TMEM161B: variants seen among roughly 807,000 people sequenced by gnomAD.
TMEM161B encodes transmembrane protein 161B.
In TMEM161B, 34 loss-of-function variants were observed where a neutral mutation model predicts 61.8. That is an observed-to-expected ratio of 0.55 (90% CI 0.42 to 0.73). The LOEUF (loss-of-function observed/expected upper bound fraction) is 0.73. Ranked by LOEUF, TMEM161B falls within the 30% of genes least tolerant of loss-of-function variation. The pLI, the probability that TMEM161B is intolerant of heterozygous loss-of-function variation, is 0.00. For missense variants in TMEM161B, 456 were observed against 558.5 expected, an observed-to-expected ratio of 0.82 and a Z score of 1.85; for synonymous variants, 167 against 192.8, an observed-to-expected ratio of 0.87 and a Z score of 1.11.
At chr5:88,188,805 G>C (rs909001679), downstream of TMEM161B, among the ~76,000 whole-genome samples, 1 of 152,200 alleles carries the variant, frequency 6.6e-6, no homozygotes, top group Non-Finnish European at 1.5e-5. Flanking sequence ...CTGATGGATT[G>C]AGAGCACATG....
chr5:88,253,796 A>G (rs1580709661), intron 1 of TMEM161B, among the ~76,000 whole-genome samples: 2 of 152,320 alleles, frequency 1.3e-5, no homozygotes, highest in East Asian at 3.9e-4. Flanking sequence ...GAAGCAAAAC[A>G]GCTTTTAAAT....
chr5:88,224,975 T>G lies in TMEM161B; in HGVS notation c.289+794A>C, dbSNP rs1043770943. Among the ~76,000 whole-genome samples the G allele has an allele frequency of 1.5e-4, 21 of 144,406 alleles. No homozygotes were observed. In the South Asian group the frequency reaches 3.0e-3, roughly 21 times the overall value. 94.7% of individuals were successfully genotyped at this position (144,406 alleles called of 152,430 possible). A position where few individuals can be genotyped will look rare whatever the true frequency, so the allele number is the denominator to read the frequency against. The stretch of plus-strand genomic sequence containing the variant: ...ACAAAATATGTTTTTGTTTTTTTTT[T>G]TTTTTTTTTTGAGACGGAGTCTCGC... On this transcript the variant is annotated intron_variant, in intron 4 of 11. Coordinates refer to ENST00000296595, the MANE Select transcript of TMEM161B (RefSeq NM_153354.5).
intron 2 of TMEM161B, among the ~76,000 whole-genome samples, chr5:88,235,977 G>T (rs949143580): frequency 6.6e-6 from 1 of 152,164 alleles, no homozygotes; most frequent in Non-Finnish European, 1.5e-5. Flanking sequence ...CAGGCATTCC[G>T]TTAAGGGTAG....
chr5:88,228,951 A>G (rs1423138955), intron 2 of TMEM161B, among the ~76,000 whole-genome samples: 2 of 152,208 alleles, frequency 1.3e-5, no homozygotes, highest in Non-Finnish European at 2.9e-5. Context: ...TCACATTTAC[A>G]GGTAGTCTTT....
At position 88,195,362 on chromosome 5, in the gene TMEM161B, TA is replaced by T. The variant is rs772722058; in HGVS notation, c.*848del. The stretch of plus-strand genomic sequence containing the variant: ...TCTTTTATAATCTCAATATATTATA[TA>T]TTTAATATATAATATATATACAATA... On this transcript the variant is annotated 3_prime_UTR_variant, in exon 12 of 12. Transcript: ENST00000296595. 292 of 712,888 alleles carry T rather than the reference TA, an allele frequency of 4.1e-4. 1 individual carries two copies. The highest frequency in any genetic ancestry group is 4.9e-4 in the Non-Finnish European group (288 of 584,138). 44.2% of individuals were successfully genotyped at this position (712,888 alleles called of 1,614,324 possible). A position where few individuals can be genotyped will look rare whatever the true frequency, so the allele number is the denominator to read the frequency against.
intron 7 of TMEM161B, among the ~76,000 whole-genome samples, chr5:88,206,162 A>C (rs1745422365): frequency 6.6e-6 from 1 of 152,164 alleles, no homozygotes; most frequent in South Asian, 2.1e-4. Context: ...AGTCACAGCA[A>C]CCTAACCTAC....
intron 2 of TMEM161B, among the ~76,000 whole-genome samples, chr5:88,234,157 TG>T (rs1274068907): frequency 2.0e-5 from 3 of 152,058 alleles, no homozygotes; most frequent in African/African-American, 7.2e-5. Flanking sequence ...AAAGTGTGTG[TG>T]GTAACAGGAA....
At chr5:88,252,099 A>G (rs78330101) in intron 1 of TMEM161B, among the ~76,000 whole-genome samples, 2,713 of 152,284 alleles carry the variant, frequency 0.018, 68 homozygotes, top group African/African-American at 0.061. Flanking sequence ...TGGGTTGTAG[A>G]ATTTTTTTAA....
intron 1 of TMEM161B, among the ~76,000 whole-genome samples, chr5:88,252,126 T>C (rs1165491759): frequency 6.6e-6 from 1 of 152,140 alleles, no homozygotes; most frequent in African/African-American, 2.4e-5. Context: ...TAAAGTTTCA[T>C]AGAGTAGATG....
At chr5:88,226,480 T>G (rs776066519) in intron 3 of TMEM161B, among the ~76,000 whole-genome samples, 1 of 152,208 alleles carries the variant, frequency 6.6e-6, no homozygotes, top group African/African-American at 2.4e-5. Flanking sequence ...TTTATGTATT[T>G]CTTTAGACAC....
At chr5:88,198,911 ATT>A (rs879145931) in intron 10 of TMEM161B, 63 bp downstream of exon 10, 14,324 of 1,183,740 alleles carry the variant, frequency 0.012, no homozygotes, top group South Asian at 0.02. Context: ...AAGGAAACCA[ATT>A]TTTTTTTTTT....
intron 1 of TMEM161B, among the ~76,000 whole-genome samples, chr5:88,247,413 G>A (rs1363407044): frequency 6.6e-6 from 1 of 151,978 alleles, no homozygotes; most frequent in East Asian, 1.9e-4. Context: ...AGCATACATT[G>A]TTTACTACTG....
chr5:88,227,806 T>A (rs1750310174), intron 3 of TMEM161B, among the ~76,000 whole-genome samples: 1 of 152,102 alleles, frequency 6.6e-6, no homozygotes, highest in Non-Finnish European at 1.5e-5. Context: ...TTCAGAGAGG[T>A]AATTAACATA....
Position 88,245,531 on chromosome 5 carries a change from C to T in TMEM161B, c.4-4615G>A, listed in dbSNP as rs150829419. On this transcript the variant is annotated intron_variant, in intron 1 of 11. Coordinates refer to ENST00000296595, the MANE Select transcript of TMEM161B (RefSeq NM_153354.5). Reference sequence around the variant, plus strand: ...CTTTGAAAGAACTAACAGCATTACACGGAATCTTCAAGGTCATAATTCAGT... The same window carrying T: ...CTTTGAAAGAACTAACAGCATTACATGGAATCTTCAAGGTCATAATTCAGT... 2.5e-4 allele frequency among the ~76,000 whole-genome samples: 38 copies of T among 151,980 alleles called. No homozygotes were observed. In the East Asian group the frequency reaches 4.1e-3, roughly 16 times the overall value.
At chr5:88,191,441 G>A (rs1748838050), downstream of TMEM161B, among the ~76,000 whole-genome samples, 1 of 152,148 alleles carries the variant, frequency 6.6e-6, no homozygotes, top group African/African-American at 2.4e-5. Context: ...TGTAGCTAGG[G>A]TGTGTGGAAC....
Position 88,228,511 on chromosome 5 carries a change from T to C in TMEM161B, c.125A>G (p.His42Arg). The part of the protein sequence containing the change: ...LCNGSLRWYQ[H>R]PTEEELRILA... ...AATTCTTAATTCTTCTTCTGTAGGA[T>C]GTTGATACCACCTCAAACTAAGCAA... Residue 42 changes from histidine to arginine, a missense_variant, in exon 3 of 12, where the codon CAT becomes CGT. His to Arg is a conservative substitution (Grantham distance 29). Coordinates refer to ENST00000296595, the MANE Select transcript of TMEM161B (RefSeq NM_153354.5). 1.2e-6 allele frequency: 2 copies of C among 1,606,516 alleles called. No homozygotes were observed. The highest frequency in any genetic ancestry group is 1.3e-5 in the African/African-American group (1 of 74,842).
Position 88,206,507 on chromosome 5 carries a change from G to GAAAA in TMEM161B, c.599-9_599-8insTTTT. The GAAAA allele has an allele frequency of 1.9e-5, 24 of 1,246,408 alleles. No homozygotes were observed. The highest frequency in any genetic ancestry group is 5.0e-5 in the Admixed American group (2 of 40,278). 77.2% of individuals were successfully genotyped at this position (1,246,408 alleles called of 1,614,324 possible). ...CTGAAAAATTTGTAAACCCTGTGGGGGAAAAAAAAAAAAACAACAGATTAC... is the reference window on the plus strand; with the variant it reads ...CTGAAAAATTTGTAAACCCTGTGGGGAAAAGAAAAAAAAAAAAACAACAGATTAC... On this transcript the variant is annotated splice_polypyrimidine_tract_variant and intron_variant, in intron 6 of 11. Coordinates refer to ENST00000296595, the MANE Select transcript of TMEM161B (RefSeq NM_153354.5).
At chr5:88,218,450 A>G (rs979712825) in intron 5 of TMEM161B, among the ~76,000 whole-genome samples, 1 of 152,162 alleles carries the variant, frequency 6.6e-6, no homozygotes, top group African/African-American at 2.4e-5. Flanking sequence ...GCTAGGTAAA[A>G]AAAGATGGTA....
intron 8 of TMEM161B, 89 bp from the exon 9 acceptor site, chr5:88,203,164 A>G: frequency 5.3e-6 from 4 of 758,826 alleles, no homozygotes; most frequent in Non-Finnish European, 9.0e-6. Flanking sequence ...AAATGGAGGT[A>G]GGAGCTTATT....
Sources: allele counts gnomAD v4.1 joint callset (sites outside exome capture counted in the v4.1 genomes callset), GRCh38; gene constraint gnomAD v4.1.1; transcripts MANE v1.5; gene names NCBI Gene and HGNC (gene_info 2026-07-23, HGNC 2026-07-21).